The following IL1RAPL1 variants were observed in gnomAD, a reference collection of about 807,000 sequenced individuals.
IL1RAPL1 encodes the protein interleukin-1 receptor accessory protein-like 1.
IL1RAPL1 carries 3 observed loss-of-function variants against 48.4 expected under a neutral mutation model. The observed-to-expected ratio is 0.06, with a 90% CI of 0.03 to 0.16. IL1RAPL1 has a LOEUF of 0.16. IL1RAPL1 is among the 10% of genes least tolerant of loss of function. IL1RAPL1 has a pLI of 1.00. For synonymous variants in IL1RAPL1, 185 were observed against 187.7 expected, an observed-to-expected ratio of 0.99 and a Z score of 0.12; for missense variants, 349 against 530.6, an observed-to-expected ratio of 0.66 and a Z score of 3.36.
chrX:29,538,462 C>T (rs1256100382), intron 5 of IL1RAPL1, among the ~76,000 whole-genome samples: 7 of 105,857 alleles, frequency 6.6e-5, no homozygotes, highest in Non-Finnish European at 1.2e-4. Context: ...CTCAGCCTCC[C>T]GAGTAGCTGG....
rs145396748 is a variant in IL1RAPL1, at chrX:29,270,891, C to T, written c.83-12047C>T. The stretch of plus-strand genomic sequence containing the variant: ...AACTTCTGTTTTACATTCAGGGTTA[C>T]ATGTGCAGCTTTGTTATATAGGTAA... On this transcript the variant is annotated intron_variant, in intron 2 of 10. Coordinates refer to ENST00000378993, the MANE Select transcript of IL1RAPL1 (RefSeq NM_014271.4). Among the ~76,000 whole-genome samples the T allele has an allele frequency of 6.3e-5, 7 of 111,454 alleles. No homozygotes were observed. In the East Asian group the frequency reaches 1.7e-3, roughly 27 times the overall value.
At chrX:29,805,772 T>C (rs1258998938) in intron 6 of IL1RAPL1, among the ~76,000 whole-genome samples, 1 of 109,838 alleles carries the variant, frequency 9.1e-6, no homozygotes, top group Non-Finnish European at 1.9e-5. Context: ...TGGAGATGAA[T>C]GACAAGGATA....
intron 8 of IL1RAPL1, among the ~76,000 whole-genome samples, chrX:29,938,119 C>T (rs925815298): frequency 2.4e-4 from 27 of 111,389 alleles, no homozygotes; most frequent in Non-Finnish European, 5.6e-5. Flanking sequence ...TATATCATTT[C>T]TTAAATGGCT....
intron 3 of IL1RAPL1, among the ~76,000 whole-genome samples, chrX:29,375,506 C>T (rs771991133): frequency 9.0e-6 from 1 of 110,977 alleles, no homozygotes; most frequent in Non-Finnish European, 1.9e-5. Context: ...GGCTTTCCTC[C>T]AACAAACCAG....
At position 29,738,346 on chromosome X, in the gene IL1RAPL1, G is replaced by A. The variant is rs190219316; in HGVS notation, c.778+69842G>A. 3.6e-5 allele frequency among the ~76,000 whole-genome samples: 4 copies of A among 111,212 alleles called. 1 individual carries two copies. The Admixed American group carries it at 3.8e-4, about 11-fold the overall frequency. Reference sequence around the variant, plus strand: ...ATTAAAGCCATCAGGAAAGCCTGAGGTAATTCTAAAAGATCCCACTCTGTG... The same window carrying A: ...ATTAAAGCCATCAGGAAAGCCTGAGATAATTCTAAAAGATCCCACTCTGTG... On this transcript the variant is annotated intron_variant, in intron 6 of 10. Coordinates refer to ENST00000378993, the MANE Select transcript of IL1RAPL1 (RefSeq NM_014271.4).
In IL1RAPL1 at chrX:29,415,520, A is replaced by G. The variant is rs186403477; in HGVS notation, c.703+16212A>G. On this transcript the variant is annotated intron_variant, in intron 5 of 10. Coordinates refer to ENST00000378993, the MANE Select transcript of IL1RAPL1 (RefSeq NM_014271.4). ...CTGCAACCTCTGCCTCCCGGGTTCA[A>G]GTGATTCTCCTGCCTCAGCCTCCCA... Among the ~76,000 whole-genome samples, 966 of 110,831 alleles carry G rather than the reference A, an allele frequency of 8.7e-3. 10 individuals are homozygous for G. Among genetic ancestry groups the G allele is most frequent in the African/African-American group, 0.03 (925 of 30,454 alleles).
chrX:28,888,703 T>G (rs1344886953), intron 2 of IL1RAPL1, among the ~76,000 whole-genome samples: 1 of 111,656 alleles, frequency 9.0e-6, no homozygotes, highest in Non-Finnish European at 1.9e-5. Flanking sequence ...ATTAGTCATG[T>G]CTACAGGATA....
chrX:28,802,128 G>A (rs1267946815), intron 2 of IL1RAPL1, among the ~76,000 whole-genome samples: 1 of 111,325 alleles, frequency 9.0e-6, no homozygotes, highest in African/African-American at 3.3e-5. Context: ...TAAAACAAAG[G>A]TTCTGTTAAG....
intron 5 of IL1RAPL1, among the ~76,000 whole-genome samples, chrX:29,439,851 GT>G (rs760458968): frequency 5.2e-4 from 31 of 59,848 alleles, no homozygotes; most frequent in Admixed American, 1.2e-3. Context: ...TGTTTGTTTG[GT>G]TTTTTTTTTT....
intron 2 of IL1RAPL1, chrX:28,942,652 A>G (rs1470713307): frequency 1.1e-5 from 1 of 93,174 alleles, no homozygotes; most frequent in African/African-American, 4.0e-5. Context: ...TCTAATAGTA[A>G]AAAAAAAAAA....
chrX:29,128,745 C>T (rs1179263589), intron 2 of IL1RAPL1, among the ~76,000 whole-genome samples: 1 of 111,351 alleles, frequency 9.0e-6, no homozygotes, highest in Non-Finnish European at 1.9e-5. Context: ...AATTAAGATA[C>T]AGTTCCTTAA....
intron 5 of IL1RAPL1, among the ~76,000 whole-genome samples, chrX:29,434,826 A>T (rs753406023): frequency 3.6e-5 from 4 of 111,216 alleles, no homozygotes; most frequent in Admixed American, 1.9e-4. Flanking sequence ...ATTTCACATA[A>T]TATAAAATAC....
chrX:28,660,372 T>A (rs1464596975), intron 1 of IL1RAPL1, among the ~76,000 whole-genome samples: 4 of 110,799 alleles, frequency 3.6e-5, no homozygotes, highest in African/African-American at 1.3e-4. Context: ...ATAATAGGTA[T>A]TTTAGATAAG....
At chrX:29,436,081 T>C (rs1394415313) in intron 5 of IL1RAPL1, among the ~76,000 whole-genome samples, 3 of 109,545 alleles carry the variant, frequency 2.7e-5, no homozygotes, top group Non-Finnish European at 5.8e-5. Context: ...TTAAGTCCAT[T>C]GGACTGGCAG....
intron 6 of IL1RAPL1, among the ~76,000 whole-genome samples, chrX:29,824,232 C>T: frequency 1.8e-5 from 2 of 111,329 alleles, no homozygotes; most frequent in Admixed American, 1.9e-4. Context: ...GCCTTACTTG[C>T]ATCAGATGTC....
chrX:29,506,850 C>T (rs1172925882), intron 5 of IL1RAPL1, among the ~76,000 whole-genome samples: 5 of 110,719 alleles, frequency 4.5e-5, no homozygotes, highest in Non-Finnish European at 1.9e-5. Context: ...TGGGCTGAGG[C>T]AGAGACAGTT....
At chrX:28,670,566 G>T (rs776657677) in intron 1 of IL1RAPL1, among the ~76,000 whole-genome samples, 1 of 111,737 alleles carries the variant, frequency 8.9e-6, no homozygotes, top group African/African-American at 3.2e-5. Flanking sequence ...GGGTTGGAAT[G>T]GTAATAACCA....
At chrX:29,350,589 AGTGT>A (rs777732717) in intron 3 of IL1RAPL1, among the ~76,000 whole-genome samples, 2 of 81,073 alleles carry the variant, frequency 2.5e-5, no homozygotes, top group African/African-American at 9.4e-5. Context: ...AGTCTGAGTG[AGTGT>A]GTGTGTGTGC....
intron 2 of IL1RAPL1, among the ~76,000 whole-genome samples, chrX:29,159,319 T>C (rs1337214561): frequency 2.7e-5 from 3 of 111,330 alleles, no homozygotes; most frequent in Non-Finnish European, 5.6e-5. Context: ...TTAACATTGC[T>C]CTTTTTCACT....
Sources: gnomAD v4.1 joint callset for allele counts (sites outside exome capture counted in the v4.1 genomes callset) on GRCh38, gnomAD v4.1.1 for gene constraint, MANE v1.5 for transcripts, NCBI Gene and HGNC (gene_info 2026-07-23, HGNC 2026-07-21) for gene names.